AATF: variants seen among roughly 807,000 people sequenced by gnomAD.
AATF encodes the protein apoptosis antagonizing transcription factor.
A neutral mutation model predicts 63.7 loss-of-function variants in AATF; 48 were observed. That is an observed-to-expected ratio of 0.75 (90% CI 0.60 to 0.96). The LOEUF (loss-of-function observed/expected upper bound fraction) is 0.96, where lower values mean the gene tolerates loss of function less well. Ranked by LOEUF, AATF falls within the 40% of genes least tolerant of loss-of-function variation. The pLI, the probability that AATF is intolerant of heterozygous loss-of-function variation, is 0.00. For synonymous variants in AATF, 258 were observed against 247.7 expected (o/e 1.04, Z -0.39); for missense variants, 639 against 685.7 (o/e 0.93, Z 0.76).
chr17:37,026,074 C>CA (rs150202859), intron 10 of AATF, among the ~76,000 whole-genome samples: 2 of 152,044 alleles, frequency 1.3e-5, no homozygotes, highest in South Asian at 2.1e-4. Flanking sequence ...GGTATTCTTG[C>CA]AAAAAAATGC....
chr17:36,997,341 A>G (rs1243562189), intron 8 of AATF, among the ~76,000 whole-genome samples: 1 of 152,216 alleles, frequency 6.6e-6, no homozygotes, highest in East Asian at 1.9e-4. Context: ...ACATCTGACA[A>G]AGGACTGATA....
At chr17:37,021,382 G>A (rs1184828065) in intron 10 of AATF, among the ~76,000 whole-genome samples, 2 of 152,116 alleles carry the variant, frequency 1.3e-5, no homozygotes, top group Non-Finnish European at 2.9e-5. Flanking sequence ...TACTCCCAGT[G>A]CTTTGGGAGG....
intron 4 of AATF, among the ~76,000 whole-genome samples, chr17:36,984,529 G>C (rs2071151703): frequency 6.6e-6 from 1 of 152,202 alleles, no homozygotes; most frequent in Admixed American, 6.5e-5. Context: ...AGGTGTCTGA[G>C]TACTTTCAAC....
intron 11 of AATF, among the ~76,000 whole-genome samples, chr17:37,048,409 T>G (rs2071714679): frequency 6.9e-6 from 1 of 144,442 alleles, no homozygotes; most frequent in Admixed American, 6.9e-5. Context: ...CTCACTCTTT[T>G]GCCCAGGCTG....
chr17:37,035,015 C>T (rs905323776), intron 11 of AATF, among the ~76,000 whole-genome samples: 18 of 150,698 alleles, frequency 1.2e-4, no homozygotes, highest in Admixed American at 1.1e-3. Flanking sequence ...GTCCCAGCTA[C>T]TGGGAGGCTG....
intron 11 of AATF, among the ~76,000 whole-genome samples, chr17:37,049,214 A>C (rs1046709054): frequency 6.6e-6 from 1 of 152,164 alleles, no homozygotes; most frequent in Non-Finnish European, 1.5e-5. Flanking sequence ...CATTTGTGAT[A>C]CCATGCTCTA....
intron 8 of AATF, among the ~76,000 whole-genome samples, chr17:37,001,405 G>GGGGAAGGAAGGA (rs1555650718): frequency 1.6e-5 from 1 of 63,832 alleles, no homozygotes; most frequent in Non-Finnish European, 2.9e-5. Flanking sequence ...AGGAGGGAGG[G>GGGGAAGGAAGGA]AGGAAGGAAG....
chr17:37,000,791 G>A (rs572544428), intron 8 of AATF, among the ~76,000 whole-genome samples: 20 of 152,174 alleles, frequency 1.3e-4, no homozygotes, highest in Non-Finnish European at 2.1e-4. Flanking sequence ...GGAGCAACCA[G>A]TGATGTAAGA....
intron 4 of AATF, among the ~76,000 whole-genome samples, chr17:36,970,952 T>C (rs1597705564): frequency 1.3e-5 from 2 of 152,086 alleles, no homozygotes; most frequent in Admixed American, 1.3e-4. Flanking sequence ...TTATATTAAC[T>C]TAAATATAAA....
rs2142202833 is a variant in AATF at position 36,953,865 on chromosome 17, A to G, written c.790A>G (p.Lys264Glu). ...TCAACCAGATGTTTTCCCATTGTTC[A>G]AGGACAAAGGTGGCCCAGAATTTTC... is the stretch of plus-strand genomic sequence containing the variant. ...LPQPDVFPLF[K>E]DKGGPEFSSA... The change falls in exon 4 of 12, where the codon AAG becomes GAG. Residue 264 changes from lysine (K) to glutamate (E), a missense_variant. Physicochemically the swap from Lys to Glu is moderately conservative, Grantham distance 56. Coordinates refer to ENST00000619387, the MANE Select transcript of AATF (RefSeq NM_012138.4). 7 of 1,614,178 alleles carry G rather than the reference A, an allele frequency of 4.3e-6. No individual in the cohort carries two copies. The highest frequency in any genetic ancestry group is 1.3e-5 in the African/African-American group (1 of 75,058).
At chr17:37,003,158 A>G (rs776837961) in intron 8 of AATF, among the ~76,000 whole-genome samples, 24 of 152,214 alleles carry the variant, frequency 1.6e-4, no homozygotes, top group Non-Finnish European at 2.6e-4. Context: ...TTTATAGTTC[A>G]TTGATTTTCA....
intron 8 of AATF, among the ~76,000 whole-genome samples, chr17:37,007,668 A>ATTCT (rs2071352636): frequency 6.6e-6 from 1 of 152,178 alleles, no homozygotes; most frequent in African/African-American, 2.4e-5. Context: ...GTGAGTGTGT[A>ATTCT]TCGAAGAATT....
intron 11 of AATF, chr17:37,055,407 A>G (rs2071789638): frequency 1.3e-5 from 2 of 152,090 alleles, no homozygotes; most frequent in Admixed American, 6.5e-5. Flanking sequence ...TCCTATCCAT[A>G]ACTATAGTAG....
At chr17:36,982,588 C>T (rs1422599053) in intron 4 of AATF, among the ~76,000 whole-genome samples, 5 of 152,074 alleles carry the variant, frequency 3.3e-5, no homozygotes, top group Non-Finnish European at 7.4e-5. Flanking sequence ...CTCCTGACCT[C>T]GTGACCACCC....
intron 11 of AATF, chr17:37,054,742 G>A (rs2071783841): frequency 6.6e-6 from 1 of 152,272 alleles, no homozygotes; most frequent in Non-Finnish European, 1.5e-5. Context: ...GCAGGCAAGC[G>A]CGGCGAGGCT....
chr17:36,952,665 C>T (rs970866064), intron 2 of AATF, among the ~76,000 whole-genome samples: 3 of 152,208 alleles, frequency 2.0e-5, no homozygotes, highest in African/African-American at 7.2e-5. Flanking sequence ...CTGTCTTTCC[C>T]ACTAGCTCCT....
intron 11 of AATF, among the ~76,000 whole-genome samples, chr17:37,032,989 A>G (rs2071563349): frequency 6.6e-6 from 1 of 152,236 alleles, no homozygotes; most frequent in Non-Finnish European, 1.5e-5. Context: ...CCCTCAAACT[A>G]CATATAAACT....
At chr17:37,014,941 C>A (rs1391059984) in intron 8 of AATF, among the ~76,000 whole-genome samples, 2 of 152,154 alleles carry the variant, frequency 1.3e-5, no homozygotes, top group Admixed American at 1.3e-4. Flanking sequence ...GTCTTTTTCA[C>A]AGCATCCTGC....
chr17:37,021,027 T>C lies in AATF; in HGVS notation c.1547+13T>C. 2 of 1,600,384 alleles carry C rather than the reference T, an allele frequency of 1.2e-6. No individual in the cohort carries two copies. The highest frequency in any genetic ancestry group is 2.3e-5 in the East Asian group (1 of 44,440). ...GCAGGAAACTTCGGTGAGTTACTTT[T>C]CGGAAAAAATGTCAACATATATTGT... is the stretch of plus-strand genomic sequence containing the variant. On this transcript the variant is annotated intron_variant, in intron 10 of 11. Transcript: ENST00000619387.
Sources: allele counts gnomAD v4.1 joint callset (sites outside exome capture counted in the v4.1 genomes callset), GRCh38; gene constraint gnomAD v4.1.1; transcripts MANE v1.5; gene names NCBI Gene and HGNC (gene_info 2026-07-23, HGNC 2026-07-21).